VDAC2: variants seen among roughly 807,000 people sequenced by gnomAD.
The protein encoded by VDAC2 is non-selective voltage-gated ion channel VDAC2.
In VDAC2, 6 loss-of-function variants were observed where a neutral mutation model predicts 36.6. The ratio of observed to expected loss-of-function variants is 0.16; its 90% CI spans 0.09 to 0.32. The LOEUF (loss-of-function observed/expected upper bound fraction) is 0.32, where lower values mean the gene tolerates loss of function less well. Ranked by LOEUF, VDAC2 falls within the 10% of genes least tolerant of loss-of-function variation. The pLI, the probability that VDAC2 is intolerant of heterozygous loss-of-function variation, is 1.00. For missense variants in VDAC2, 247 were observed against 346.0 expected (o/e 0.71, Z 2.27); for synonymous variants, 109 against 123.8 (o/e 0.88, Z 0.79).
Position 75,231,092 on chromosome 10 carries a change from A to C in VDAC2, c.*103A>C, listed in dbSNP as rs539547562. 1.4e-5 allele frequency: 11 copies of C among 794,416 alleles called. No homozygotes were observed. The highest frequency in any genetic ancestry group is 1.8e-5 in the Non-Finnish European group (9 of 493,800). 49.2% of individuals were successfully genotyped at this position (794,416 alleles called of 1,614,324 possible). Reference sequence around the variant, plus strand: ...CTTTTTTCCCCCAAGAAGATGATCAAAACAAAGGATGATCTCAACAAGAGC... The same window carrying C: ...CTTTTTTCCCCCAAGAAGATGATCACAACAAAGGATGATCTCAACAAGAGC... On this transcript the variant is annotated 3_prime_UTR_variant, in exon 10 of 10. Coordinates refer to ENST00000332211, the MANE Select transcript of VDAC2 (RefSeq NM_001391963.1).
At chr10:75,220,428 C>T (rs979603235) in intron 6 of VDAC2, among the ~76,000 whole-genome samples, 2 of 152,200 alleles carry the variant, frequency 1.3e-5, no homozygotes, top group Non-Finnish European at 2.9e-5. Context: ...TTTTAGAATA[C>T]TATGGTTGCT....
chr10:75,219,991 C>A (rs2132266938), intron 6 of VDAC2, among the ~76,000 whole-genome samples: 1 of 150,950 alleles, frequency 6.6e-6, no homozygotes, highest in Middle Eastern at 3.5e-3. Context: ...CCACGCCCAC[C>A]TAATTTTTGT....
At position 75,227,064 on chromosome 10, in the gene VDAC2, C is replaced by T. The variant is rs148146384; in HGVS notation, c.736-2580C>T. On this transcript the variant is annotated intron_variant, in intron 8 of 9. Transcript: ENST00000332211. ...ATTCATGTCATGGGAGGGTGGGGCACCCCAGCTCCACAGGGATGGAAGCTC... is the reference window on the plus strand; with the variant it reads ...ATTCATGTCATGGGAGGGTGGGGCATCCCAGCTCCACAGGGATGGAAGCTC... Among the ~76,000 whole-genome samples the T allele has an allele frequency of 1.2e-3, 176 of 152,214 alleles. No homozygotes were observed. The East Asian group carries it at 0.023, about 20-fold the overall frequency.
intron 4 of VDAC2, chr10:75,218,060 C>A: frequency 7.1e-6 from 4 of 566,364 alleles, no homozygotes; most frequent in East Asian, 8.3e-5. Context: ...TGTGTTCCAG[C>A]TTGGGTGACA....
At position 75,229,845 on chromosome 10, in the gene VDAC2, T is replaced by G. The variant is rs560178364; in HGVS notation, c.793+144T>G. 2.0e-4 allele frequency: 112 copies of G among 563,314 alleles called. No individual in the cohort carries two copies. The African/African-American group carries it at 2.1e-3, about 11-fold the overall frequency. The allele number at this position is 563,314 out of a possible 1,614,324, so 34.9% of individuals were successfully genotyped here. On this transcript the variant is annotated intron_variant, in intron 9 of 9. Transcript: ENST00000332211. ...AATACGTGTTTACCTTTTACCACAATTTTTTATTTCTTTTTCTTTGCTTTT... is the reference window on the plus strand; with the variant it reads ...AATACGTGTTTACCTTTTACCACAAGTTTTTATTTCTTTTTCTTTGCTTTT...
intron 2 of VDAC2, 29 bp from the exon 3 acceptor site, chr10:75,212,201 T>C (rs777173685): frequency 6.2e-7 from 1 of 1,603,206 alleles, no homozygotes. Context: ...AATAGAGACA[T>C]TAACACTGGA....
chr10:75,220,165 G>T (rs1841768574), intron 6 of VDAC2, among the ~76,000 whole-genome samples: 1 of 151,146 alleles, frequency 6.6e-6, no homozygotes, highest in African/African-American at 2.4e-5. Flanking sequence ...GAGTGCAATG[G>T]TGCGATCTTG....
chr10:75,219,167 G>A lies in VDAC2; in HGVS notation c.255G>A (p.Lys85=), dbSNP rs767520142. ...WCEYGLTFTE[K]WNTDNTLGTE... ...AGTATGGTCTGACTTTCACAGAAAAGTGGAACACTGATAACACTCTGGGAA... is the reference window on the plus strand; with the variant it reads ...AGTATGGTCTGACTTTCACAGAAAAATGGAACACTGATAACACTCTGGGAA... Residue 85 remains lysine, a synonymous_variant, in exon 5 of 10, where the codon AAG becomes AAA. Coordinates refer to ENST00000332211, the MANE Select transcript of VDAC2 (RefSeq NM_001391963.1). The A allele has an allele frequency of 3.1e-6, 5 of 1,612,612 alleles. No individual in the cohort carries two copies. Among genetic ancestry groups the A allele is most frequent in the East Asian group, 2.2e-5 (1 of 44,860 alleles).
chr10:75,211,519 C>T lies in VDAC2; in HGVS notation c.31+330C>T, dbSNP rs1365589919. ...CACTTTTCTAGAGGAAGTAGCAGTC[C>T]CTCTTGTGAGAGCGCAAGGTCATTA... On this transcript the variant is annotated intron_variant, in intron 2 of 9. Coordinates refer to ENST00000332211, the MANE Select transcript of VDAC2 (RefSeq NM_001391963.1). The T allele has an allele frequency of 4.5e-6, 7 of 1,545,298 alleles. No individual in the cohort carries two copies. In the Admixed American group the frequency reaches 8.0e-5, roughly 18 times the overall value.
chr10:75,219,890 C>T (rs1564712504), intron 6 of VDAC2, among the ~76,000 whole-genome samples: 2 of 151,252 alleles, frequency 1.3e-5, no homozygotes. Flanking sequence ...TGCAGTGGCG[C>T]GATCTCGGCT....
At chr10:75,211,011 C>G (rs946279130) in intron 1 of VDAC2, 73 bp downstream of exon 1, 2 of 911,972 alleles carry the variant, frequency 2.2e-6, no homozygotes, top group Non-Finnish European at 3.1e-6. Flanking sequence ...CCGCGCCGGA[C>G]TCGGAGTCGG....
chr10:75,226,408 G>C (rs541817199), intron 8 of VDAC2, among the ~76,000 whole-genome samples: 4 of 147,942 alleles, frequency 2.7e-5, no homozygotes, highest in Non-Finnish European at 5.9e-5. Flanking sequence ...CTCGGTTCCT[G>C]AAACAGCTCC....
chr10:75,227,128 A>G (rs1841976553), intron 8 of VDAC2, among the ~76,000 whole-genome samples: 1 of 152,216 alleles, frequency 6.6e-6, no homozygotes, highest in African/African-American at 2.4e-5. Flanking sequence ...CTATAAAGGA[A>G]AAGATATATA....
At chr10:75,211,549 T>C (rs1841421545) in intron 2 of VDAC2, 2 of 1,550,358 alleles carry the variant, frequency 1.3e-6, no homozygotes, top group Non-Finnish European at 1.7e-6. Flanking sequence ...TCATTACTTG[T>C]GCTCCTAAGG....
At chr10:75,222,979 CTT>C (rs34279627) in intron 8 of VDAC2, among the ~76,000 whole-genome samples, 11 of 137,978 alleles carry the variant, frequency 8.0e-5, no homozygotes, top group African/African-American at 2.7e-4. Flanking sequence ...ATCACTTTGT[CTT>C]TTTTTTTTTT....
At chr10:75,223,787 T>C (rs1027827322) in intron 8 of VDAC2, among the ~76,000 whole-genome samples, 1 of 152,106 alleles carries the variant, frequency 6.6e-6, no homozygotes, top group African/African-American at 2.4e-5. Context: ...AGAGGGGCTG[T>C]AGGTTTAATT....
At chr10:75,214,390 C>T (rs72805375) in intron 4 of VDAC2, among the ~76,000 whole-genome samples, 2,420 of 152,270 alleles carry the variant, frequency 0.016, 25 homozygotes, top group Middle Eastern at 0.034. Context: ...CAACAATGCT[C>T]GTCAGAGTTA....
intron 8 of VDAC2, among the ~76,000 whole-genome samples, chr10:75,223,157 A>G (rs563983820): frequency 1.3e-5 from 2 of 151,130 alleles, no homozygotes; most frequent in East Asian, 1.9e-4. Context: ...ATTTTTTTGT[A>G]TTTTTTAGTA....
intron 3 of VDAC2, 38 bp from the exon 4 acceptor site, chr10:75,213,982 AG>A (rs1272067116): frequency 2.1e-5 from 33 of 1,607,032 alleles, no homozygotes; most frequent in Non-Finnish European, 2.6e-5. Context: ...TTTCATACAA[AG>A]GAATCATTTT....
Sources: allele counts gnomAD v4.1 joint callset (sites outside exome capture counted in the v4.1 genomes callset), GRCh38; gene constraint gnomAD v4.1.1; transcripts MANE v1.5; gene names NCBI Gene and HGNC (gene_info 2026-07-23, HGNC 2026-07-21).